ZEB1: variants seen among roughly 807,000 people sequenced by gnomAD.
ZEB1 encodes the protein zinc finger E-box binding homeobox 1.
A neutral mutation model predicts 84.9 loss-of-function variants in ZEB1; 21 were observed. The ratio of observed to expected loss-of-function variants is 0.25; its 90% CI spans 0.18 to 0.36. ZEB1 has a LOEUF of 0.36. Ranked by LOEUF, ZEB1 falls within the 10% of genes least tolerant of loss-of-function variation. ZEB1 has a pLI of 1.00. For synonymous variants in ZEB1, 420 were observed against 471.1 expected, an observed-to-expected ratio of 0.89 and a Z score of 1.41; for missense variants, 1,104 against 1,330.2, an observed-to-expected ratio of 0.83 and a Z score of 2.65.
chr10:31,458,971 G>T (rs1053149480), intron 1 of ZEB1, among the ~76,000 whole-genome samples: 1 of 152,078 alleles, frequency 6.6e-6, no homozygotes, highest in African/African-American at 2.4e-5. Flanking sequence ...AATCGAAAAT[G>T]CATTTAATAT....
intron 1 of ZEB1, among the ~76,000 whole-genome samples, chr10:31,434,759 A>C (rs2058097074): frequency 1.3e-5 from 2 of 152,232 alleles, no homozygotes; most frequent in Admixed American, 6.5e-5. Context: ...CGGAATAAAA[A>C]ATAATACAAA....
chr10:31,454,623 T>TAACAGACA (rs1358774254), intron 1 of ZEB1, among the ~76,000 whole-genome samples: 1 of 150,668 alleles, frequency 6.6e-6, no homozygotes, highest in Non-Finnish European at 1.5e-5. Flanking sequence ...TATACACCAA[T>TAACAGACA]AACAGAGAAC....
upstream of ZEB1, chr10:31,318,800 G>C (rs553501600): frequency 4.5e-4 from 141 of 316,092 alleles, no homozygotes; most frequent in Admixed American, 3.5e-3. Context: ...AGGGCACAGG[G>C]TACAGGGAGA....
chr10:31,456,352 C>T (rs930244583), intron 1 of ZEB1, among the ~76,000 whole-genome samples: 1 of 151,940 alleles, frequency 6.6e-6, no homozygotes, highest in African/African-American at 2.4e-5. Flanking sequence ...ATGTGTATAC[C>T]TATGTAACCT....
intron 1 of ZEB1, among the ~76,000 whole-genome samples, chr10:31,426,807 C>A (rs1433129505): frequency 6.6e-6 from 1 of 152,144 alleles, no homozygotes; most frequent in Non-Finnish European, 1.5e-5. Flanking sequence ...ATCCCTAGTT[C>A]TTGTTTCCAT....
intron 4 of ZEB1, among the ~76,000 whole-genome samples, chr10:31,506,128 GC>G (rs2068938986): frequency 6.6e-6 from 1 of 151,884 alleles, no homozygotes; most frequent in Non-Finnish European, 1.5e-5. Context: ...TGGTCTAAAA[GC>G]TACTTGATAT....
intron 1 of ZEB1, among the ~76,000 whole-genome samples, chr10:31,432,042 A>G (rs1176549072): frequency 6.6e-6 from 1 of 152,250 alleles, no homozygotes; most frequent in Non-Finnish European, 1.5e-5. Context: ...CTCAAAAAGC[A>G]TATGTTCTTT....
In ZEB1 at chr10:31,472,943, G is replaced by A. The variant is rs1320937299; in HGVS notation, c.259+11706G>A. Among the ~76,000 whole-genome samples, 48 of 123,570 alleles carry A rather than the reference G, an allele frequency of 3.9e-4. 1 individual carries two copies. In the East Asian group the frequency reaches 6.5e-3, roughly 17 times the overall value. The allele number at this position is 123,570 out of a possible 152,430, so 81.1% of individuals were successfully genotyped here. ...AAATGTAATCCAGCATATAAACAGAGCCAAAGACAAAAACCACATGATTAT... is the reference window on the plus strand; with the variant it reads ...AAATGTAATCCAGCATATAAACAGAACCAAAGACAAAAACCACATGATTAT... On this transcript the variant is annotated intron_variant, in intron 2 of 8. Coordinates refer to ENST00000424869, the MANE Select transcript of ZEB1 (RefSeq NM_001174096.2).
intron 5 of ZEB1, among the ~76,000 whole-genome samples, chr10:31,511,883 C>T (rs11008513): frequency 0.12 from 17,521 of 152,076 alleles, 2,740 homozygotes; most frequent in African/African-American, 0.35. Context: ...TTCCTTAGTA[C>T]TTTGGCAACA....
intron 2 of ZEB1, among the ~76,000 whole-genome samples, chr10:31,465,499 G>A (rs2137626946): frequency 6.6e-6 from 1 of 151,690 alleles, no homozygotes; most frequent in East Asian, 1.9e-4. Context: ...AAGCAGCAAA[G>A]AAACAAAGGC....
At chr10:31,382,231 C>T (rs1227208689) in intron 1 of ZEB1, among the ~76,000 whole-genome samples, 1 of 151,924 alleles carries the variant, frequency 6.6e-6, no homozygotes, top group Non-Finnish European at 1.5e-5. Flanking sequence ...AAACATTTAA[C>T]ATTTTGTGAG....
At chr10:31,363,133 G>A in intron 1 of ZEB1, 6 of 1,533,970 alleles carry the variant, frequency 3.9e-6, no homozygotes, top group Non-Finnish European at 4.4e-6. Flanking sequence ...TGATCCAAGA[G>A]CTGCAGGATC....
intron 1 of ZEB1, among the ~76,000 whole-genome samples, chr10:31,365,618 G>C (rs11008474): frequency 0.063 from 9,555 of 152,098 alleles, 746 homozygotes; most frequent in African/African-American, 0.18. Flanking sequence ...GATAGTACCA[G>C]AGGGAAAAAA....
At chr10:31,409,457 T>G (rs1284479044) in intron 1 of ZEB1, among the ~76,000 whole-genome samples, 3 of 152,196 alleles carry the variant, frequency 2.0e-5, no homozygotes, top group Non-Finnish European at 4.4e-5. Context: ...TGCCTTCAGC[T>G]TTGTTCTTTT....
At chr10:31,414,113 T>C (rs2054785707) in intron 1 of ZEB1, among the ~76,000 whole-genome samples, 1 of 152,240 alleles carries the variant, frequency 6.6e-6, no homozygotes, top group South Asian at 2.1e-4. Flanking sequence ...TTGCTTTATC[T>C]CTCTGACCTT....
At chr10:31,500,124 G>T (rs954614786) in intron 3 of ZEB1, among the ~76,000 whole-genome samples, 1 of 151,940 alleles carries the variant, frequency 6.6e-6, no homozygotes, top group Non-Finnish European at 1.5e-5. Context: ...AATATAATTT[G>T]ATAAAAATAA....
rs367852298 is a variant in ZEB1, at chr10:31,478,899, ATTTACAAT to A, written c.260-16867_260-16860del. Among the ~76,000 whole-genome samples the A allele has an allele frequency of 9.1e-3, 1,389 of 151,940 alleles. 13 individuals carry two copies. The highest frequency in any genetic ancestry group is 0.031 in the African/African-American group (1,299 of 41,490). ...GGGAATTCGGATTTTTATAATTCGAATTTACAATTTTACAATTGGGTACAGCTTGTTCA... is the reference window on the plus strand; with the variant it reads ...GGGAATTCGGATTTTTATAATTCGAATTTACAATTGGGTACAGCTTGTTCA... On this transcript the variant is annotated intron_variant, in intron 2 of 8. Transcript: ENST00000424869.
At chr10:31,406,435 A>G (rs1590917987) in intron 1 of ZEB1, among the ~76,000 whole-genome samples, 2 of 150,902 alleles carry the variant, frequency 1.3e-5, no homozygotes, top group East Asian at 3.9e-4. Flanking sequence ...CATTTCTCTA[A>G]TGACCAGTGA....
intron 1 of ZEB1, among the ~76,000 whole-genome samples, chr10:31,460,414 A>G (rs748278481): frequency 3.0e-4 from 45 of 152,174 alleles, no homozygotes; most frequent in Non-Finnish European, 4.4e-5. Context: ...TTAATAATGT[A>G]ATGCATGGAT....
Sources: gnomAD v4.1 joint callset for allele counts (sites outside exome capture counted in the v4.1 genomes callset) on GRCh38, gnomAD v4.1.1 for gene constraint, MANE v1.5 for transcripts, NCBI Gene and HGNC (gene_info 2026-07-23, HGNC 2026-07-21) for gene names.